FDFT1: variants seen among roughly 807,000 people sequenced by gnomAD.
The protein encoded by FDFT1 is farnesyl-diphosphate farnesyltransferase 1.
In FDFT1, 68 loss-of-function variants were observed where a neutral mutation model predicts 46.8. The observed-to-expected ratio is 1.45, with a 90% CI of 1.19 to 1.78. FDFT1 has a LOEUF of 1.78. Among genes scored for constraint, FDFT1 ranks in the 40% most tolerant of loss-of-function variants. The probability of loss-of-function intolerance (pLI) is 0.00; values close to 1 mark genes in which losing one functional copy is unlikely to be tolerated. For missense variants in FDFT1, 928 were observed against 524.4 expected (o/e 1.77, Z -7.52); for synonymous variants, 351 against 185.1 (o/e 1.90, Z -7.28).
rs117087024 is a variant in FDFT1 at position 11,811,757 on chromosome 8, C to A, written c.381+1907C>A. 5.5e-3 allele frequency among the ~76,000 whole-genome samples: 843 copies of A among 152,320 alleles called. 8 individuals are homozygous for A. Among genetic ancestry groups the A allele is most frequent in the South Asian group, 0.016 (78 of 4,830 alleles). ...GGGAGCAGAAGGCGTAAGCCAGGCA[C>A]GGCTGTTTTCACTGTTGTTCACCTT... is the stretch of plus-strand genomic sequence containing the variant. On this transcript the variant is annotated intron_variant, in intron 3 of 7. Coordinates refer to ENST00000220584, the MANE Select transcript of FDFT1 (RefSeq NM_004462.5).
At chr8:11,808,160 T>C (rs960603176) in intron 1 of FDFT1, 22 of 707,842 alleles carry the variant, frequency 3.1e-5, no homozygotes, top group South Asian at 2.0e-4. Context: ...AACTGGGCGA[T>C]GCAAAGACAG....
chr8:11,800,088 T>G (rs1467815689), upstream of FDFT1, among the ~76,000 whole-genome samples: 1 of 150,568 alleles, frequency 6.6e-6, no homozygotes, highest in East Asian at 2.0e-4. Context: ...GGTGAAACCC[T>G]GTCTCTACTA....
intron 3 of FDFT1, among the ~76,000 whole-genome samples, chr8:11,811,198 C>CTCTCTCATCCT (rs1463453205): frequency 6.6e-6 from 1 of 152,138 alleles, no homozygotes; most frequent in Non-Finnish European, 1.5e-5. Context: ...TCACAGGACA[C>CTCTCTCATCCT]CTGATGACCA....
At chr8:11,813,204 A>G (rs1025946299) in intron 3 of FDFT1, among the ~76,000 whole-genome samples, 1 of 152,232 alleles carries the variant, frequency 6.6e-6, no homozygotes, top group Admixed American at 6.5e-5. Context: ...TGACTGAAAC[A>G]TCATTATACA....
intron 3 of FDFT1, among the ~76,000 whole-genome samples, chr8:11,815,043 G>A (rs976117809): frequency 5.9e-5 from 9 of 151,984 alleles, no homozygotes; most frequent in African/African-American, 1.4e-4. Context: ...AACAGGCCCC[G>A]GTATGTGATG....
chr8:11,813,957 C>G (rs56189101), intron 3 of FDFT1, among the ~76,000 whole-genome samples: 2,935 of 152,264 alleles, frequency 0.019, 40 homozygotes, highest in Middle Eastern at 0.058. Context: ...TCACTTTCTC[C>G]TGTATATTTT....
intron 5 of FDFT1, among the ~76,000 whole-genome samples, chr8:11,829,788 G>T (rs184107790): frequency 1.3e-5 from 2 of 151,864 alleles, no homozygotes; most frequent in Non-Finnish European, 2.9e-5. Flanking sequence ...CTTGATCTTC[G>T]TGAAAGATGA....
rs1162037623 is a variant in FDFT1, at chr8:11,808,747, C to G, written c.100-47C>G. The G allele has an allele frequency of 3.1e-6, 5 of 1,597,804 alleles. No homozygotes were observed. The African/African-American group carries it at 4.0e-5, about 13-fold the overall frequency. On this transcript the variant is annotated intron_variant, in intron 1 of 7. Coordinates refer to ENST00000220584, the MANE Select transcript of FDFT1 (RefSeq NM_004462.5). ...TCCCACTCCCACTCCCACTCCCACT[C>G]CTGCTCCTCGACGTCTCCCACCGCC... is the stretch of plus-strand genomic sequence containing the variant.
chr8:11,805,015 C>T (rs1806649884), intron 1 of FDFT1, among the ~76,000 whole-genome samples: 1 of 148,968 alleles, frequency 6.7e-6, no homozygotes, highest in South Asian at 2.2e-4. Flanking sequence ...CTGAAGCCAT[C>T]CTCCCACCTC....
intron 3 of FDFT1, 122 bp downstream of exon 3, chr8:11,809,972 G>C: frequency 1.3e-6 from 1 of 753,930 alleles, no homozygotes. Flanking sequence ...AGCATAATGT[G>C]AGGGTTAAAA....
intron 7 of FDFT1, among the ~76,000 whole-genome samples, chr8:11,833,704 T>C (rs1047351408): frequency 1.3e-5 from 2 of 152,222 alleles, no homozygotes; most frequent in East Asian, 1.9e-4. Context: ...CTTTGTCTTC[T>C]GTGGCTGCTT....
chr8:11,796,459 A>G lies in FDFT1; in HGVS notation c.-94+448A>G, dbSNP rs904791573. Among the ~76,000 whole-genome samples the G allele has an allele frequency of 3.3e-5, 5 of 152,232 alleles. No homozygotes were observed. The South Asian group carries it at 8.3e-4, about 25-fold the overall frequency. On this transcript the variant is annotated intron_variant, in intron 1 of 7. Transcript: ENST00000538689. ...TAGAAGTACTGAGGTCTGTGAAAGT[A>G]AAGATCAGCCCAATGAACACAAACA... is the stretch of plus-strand genomic sequence containing the variant.
At chr8:11,813,602 A>G (rs1473582609) in intron 3 of FDFT1, among the ~76,000 whole-genome samples, 2 of 152,226 alleles carry the variant, frequency 1.3e-5, no homozygotes, top group African/African-American at 4.8e-5. Flanking sequence ...AGTCACTCGC[A>G]TACTTTACTA....
Position 11,802,760 on chromosome 8 carries a change from T to A in FDFT1, c.-73T>A. 8.2e-7 allele frequency: 1 copy of A among 1,218,114 alleles called. No homozygotes were observed. Among genetic ancestry groups the A allele is most frequent in the Non-Finnish European group, 1.2e-6 (1 of 842,320 alleles). 75.5% of individuals were successfully genotyped at this position (1,218,114 alleles called of 1,614,324 possible). A position where few individuals can be genotyped will look rare whatever the true frequency, so the allele number is the denominator to read the frequency against. ...CCCCTCGAAGCACCTACTCCACAGG[T>A]CCAGCCGGCCGGTGAGCGCCTGGGG... is the stretch of plus-strand genomic sequence containing the variant. On this transcript the variant is annotated 5_prime_UTR_variant, in exon 1 of 8. Transcript: ENST00000220584.
At chr8:11,812,857 T>C (rs1425440300) in intron 3 of FDFT1, among the ~76,000 whole-genome samples, 1 of 152,216 alleles carries the variant, frequency 6.6e-6, no homozygotes, top group Non-Finnish European at 1.5e-5. Context: ...AGAAATCTCA[T>C]TGTATGTTAG....
chr8:11,826,940 A>G (rs988896221), intron 5 of FDFT1, among the ~76,000 whole-genome samples: 2 of 152,234 alleles, frequency 1.3e-5, no homozygotes, highest in Admixed American at 6.5e-5. Flanking sequence ...TTTCCCCCAA[A>G]GAAAGAATTC....
chr8:11,801,969 G>GT (rs1473551909), upstream of FDFT1: 1 of 455,624 alleles, frequency 2.2e-6, no homozygotes, highest in Non-Finnish European at 4.4e-6. Flanking sequence ...GATTACAGGC[G>GT]TGAGCCACCA....
At chr8:11,830,754 G>T (rs145974827) in intron 6 of FDFT1, among the ~76,000 whole-genome samples, 1 of 152,170 alleles carries the variant, frequency 6.6e-6, no homozygotes, top group Admixed American at 6.5e-5. Flanking sequence ...GGGTGAAGCT[G>T]TTATCATTAA....
chr8:11,806,847 G>T (rs1480632790), intron 1 of FDFT1, among the ~76,000 whole-genome samples: 1 of 152,148 alleles, frequency 6.6e-6, no homozygotes, highest in African/African-American at 2.4e-5. Context: ...ATTTATTCAT[G>T]ACACCACTTC....
Sources: allele counts gnomAD v4.1 joint callset (sites outside exome capture counted in the v4.1 genomes callset), GRCh38; gene constraint gnomAD v4.1.1; transcripts MANE v1.5; gene names NCBI Gene and HGNC (gene_info 2026-07-23, HGNC 2026-07-21).